The following GALR3 variants were observed in gnomAD, a reference collection of about 807,000 sequenced individuals.
GALR3 encodes galanin receptor 3, also known as galanin receptor type 3.
A neutral mutation model predicts 6.9 loss-of-function variants in GALR3; 5 were observed. That is an observed-to-expected ratio of 0.72 (90% CI 0.38 to 1.52). The LOEUF is 1.52. Among genes scored for constraint, GALR3 ranks in the 40% most tolerant of loss-of-function variants. GALR3 has a pLI of 0.03. For missense variants in GALR3, 570 were observed against 545.6 expected (o/e 1.04, Z -0.44); for synonymous variants, 308 against 263.6 (o/e 1.17, Z -1.63).
intron 1 of GALR3, 71 bp from the exon 2 acceptor site, chr22:37,824,652 G>GGGCGCGGGACGT: frequency 1.0e-6 from 1 of 988,706 alleles, no homozygotes; most frequent in Non-Finnish European, 1.3e-6. Context: ...CGCAGGGCCC[G>GGGCGCGGGACGT]GGCGCGGGAC....
rs1922582584 is a variant in GALR3 at position 37,825,337 on chromosome 22, C to T, written c.974C>T (p.Pro325Leu). The T allele has an allele frequency of 1.6e-6, 2 of 1,282,154 alleles. No homozygotes were observed. Among genetic ancestry groups the T allele is most frequent in the Non-Finnish European group, 2.0e-6 (2 of 1,017,576 alleles). The allele number at this position is 1,282,154 out of a possible 1,614,324, so 79.4% of individuals were successfully genotyped here. A position where few individuals can be genotyped will look rare whatever the true frequency, so the allele number is the denominator to read the frequency against. The part of the protein sequence containing the change: ...RARRALRRVR[P>L]ASSGPPGCPG... Reference sequence around the variant, plus strand: ...CGCCGCGCCTTGCGTCGCGTCCGCCCCGCGTCCTCGGGCCCACCCGGCTGC... The same window carrying T: ...CGCCGCGCCTTGCGTCGCGTCCGCCTCGCGTCCTCGGGCCCACCCGGCTGC... The change falls in exon 2 of 2, where the codon CCC becomes CTC. Residue 325 changes from proline (P) to leucine (L), a missense_variant. Physicochemically the swap from Pro to Leu is moderately conservative, Grantham distance 98. Transcript: ENST00000249041.
At chr22:37,823,802 G>T (rs1433796662) in intron 1 of GALR3, 37 bp downstream of exon 1, 3 of 1,242,240 alleles carry the variant, frequency 2.4e-6, no homozygotes, top group African/African-American at 1.5e-5. Flanking sequence ...GCAGGGCTGT[G>T]GGGGCGGGGG....
At position 37,825,316 on chromosome 22, in the gene GALR3, G is replaced by T; in HGVS notation, c.953G>T (p.Arg318Leu). Reference protein sequence around the residue: ...CGRRRRHRARRALRRVRPASS... With the variant: ...CGRRRRHRARLALRRVRPASS... The stretch of plus-strand genomic sequence containing the variant: ...CGCCGACGCCGCCACCGTGCCCGCC[G>T]CGCCTTGCGTCGCGTCCGCCCCGCG... Residue 318 changes from arginine to leucine, a missense_variant, in exon 2 of 2, where the codon CGC (arginine) becomes CTC (leucine). Coordinates refer to ENST00000249041, the MANE Select transcript of GALR3 (RefSeq NM_003614.2). 8.0e-7 allele frequency: 1 copy of T among 1,253,110 alleles called. No individual in the cohort carries two copies. 77.6% of individuals were successfully genotyped at this position (1,253,110 alleles called of 1,614,324 possible). A position where few individuals can be genotyped will look rare whatever the true frequency, so the allele number is the denominator to read the frequency against.
At position 37,825,472 on chromosome 22, in the gene GALR3, C is replaced by T. The variant is rs1922588582; in HGVS notation, c.*2C>T. ...GAGGCTGCCCGAGGACCGGAATAAA[C>T]CCTGCCGCCTGGACTCCGCCTGTGT... On this transcript the variant is annotated 3_prime_UTR_variant, in exon 2 of 2. Transcript: ENST00000249041. 9.8e-6 allele frequency: 13 copies of T among 1,328,752 alleles called. No homozygotes were observed. Among genetic ancestry groups the T allele is most frequent in the Non-Finnish European group, 1.3e-5 (13 of 1,036,590 alleles). 82.3% of individuals were successfully genotyped at this position (1,328,752 alleles called of 1,614,324 possible).
rs747361827 is a variant in GALR3, at chr22:37,824,786, C to T, written c.423C>T (p.Ala141=). 4 of 1,320,538 alleles carry T rather than the reference C, an allele frequency of 3.0e-6. No individual in the cohort carries two copies. The highest frequency in any genetic ancestry group is 3.4e-5 in the Admixed American group (1 of 29,458). The allele number at this position is 1,320,538 out of a possible 1,614,324, so 81.8% of individuals were successfully genotyped here. Residue 141 remains alanine, a synonymous_variant, in exon 2 of 2, where the codon GCC becomes GCT. Coordinates refer to ENST00000249041, the MANE Select transcript of GALR3 (RefSeq NM_003614.2). ...RALRTPRNAR[A]AVGLVWLLAA... is the part of the protein sequence containing the mutation. ...TGCGCACGCCGCGTAACGCCCGCGC[C>T]GCAGTGGGGCTGGTGTGGCTGCTGG...
chr22:37,825,170 C>G lies in GALR3; in HGVS notation c.807C>G (p.Thr269=). Residue 269 remains threonine (T), a synonymous_variant, in exon 2 of 2, where the codon ACC becomes ACG. Coordinates refer to ENST00000249041, the MANE Select transcript of GALR3 (RefSeq NM_003614.2). ...GCCGCTTCGCCTTCAGCCCGGCCAC[C>G]TACGCCTGCCGCCTGGCCTCACACT... is the stretch of plus-strand genomic sequence containing the variant. ...WYGRFAFSPA[T]YACRLASHCL... is the part of the protein sequence containing the mutation. 1.3e-6 allele frequency: 2 copies of G among 1,492,204 alleles called. No homozygotes were observed. Among genetic ancestry groups the G allele is most frequent in the Non-Finnish European group, 1.8e-6 (2 of 1,117,426 alleles). 92.4% of individuals were successfully genotyped at this position (1,492,204 alleles called of 1,614,324 possible).
Position 37,825,197 on chromosome 22 carries a change from C to T in GALR3, c.834C>T (p.Cys278=), listed in dbSNP as rs775253761. Residue 278 remains cysteine (C), a synonymous_variant, in exon 2 of 2, where the codon TGC becomes TGT. Coordinates refer to ENST00000249041, the MANE Select transcript of GALR3 (RefSeq NM_003614.2). ...ACGCCTGCCGCCTGGCCTCACACTG[C>T]CTGGCCTACGCCAACTCCTGCCTCA... The part of the protein sequence containing the change: ...ATYACRLASH[C]LAYANSCLNP... 3 of 1,487,810 alleles carry T rather than the reference C, an allele frequency of 2.0e-6. No homozygotes were observed. Among genetic ancestry groups the T allele is most frequent in the Non-Finnish European group, 2.7e-6 (3 of 1,114,932 alleles). The allele number at this position is 1,487,810 out of a possible 1,614,324, so 92.2% of individuals were successfully genotyped here. A position where few individuals can be genotyped will look rare whatever the true frequency, so the allele number is the denominator to read the frequency against.
In GALR3 at chr22:37,825,478, C is replaced by CG; in HGVS notation, c.*9dup. On this transcript the variant is annotated 3_prime_UTR_variant, in exon 2 of 2. Coordinates refer to ENST00000249041, the MANE Select transcript of GALR3 (RefSeq NM_003614.2). Reference sequence around the variant, plus strand: ...GCCCGAGGACCGGAATAAACCCTGCCGCCTGGACTCCGCCTGTGTCCGTCT... The same window carrying CG: ...GCCCGAGGACCGGAATAAACCCTGCCGGCCTGGACTCCGCCTGTGTCCGTCT... The CG allele has an allele frequency of 7.6e-7, 1 of 1,315,866 alleles. No homozygotes were observed. Among genetic ancestry groups the CG allele is most frequent in the Non-Finnish European group, 9.7e-7 (1 of 1,030,014 alleles). The allele number at this position is 1,315,866 out of a possible 1,614,324, so 81.5% of individuals were successfully genotyped here.
In GALR3 at chr22:37,823,501, C is replaced by T. The variant is rs1379355836; in HGVS notation, c.95C>T (p.Thr32Ile). Residue 32 changes from threonine to isoleucine, a missense_variant, in exon 1 of 2, where the codon ACA becomes ATA. Physicochemically the swap from Thr to Ile is moderately conservative, Grantham distance 89 (BLOSUM62 -1). Coordinates refer to ENST00000249041, the MANE Select transcript of GALR3 (RefSeq NM_003614.2). ...TTTGCCCTAATCTTCCTGCTGGGCACAGTGGGCAATGGGCTGGTGCTGGCA... is the reference window on the plus strand; with the variant it reads ...TTTGCCCTAATCTTCCTGCTGGGCATAGTGGGCAATGGGCTGGTGCTGGCA... ...VVFALIFLLG[T>I]VGNGLVLAVL... The T allele has an allele frequency of 6.2e-7, 1 of 1,611,810 alleles. No individual in the cohort carries two copies. The highest frequency in any genetic ancestry group is 1.3e-5 in the African/African-American group (1 of 74,766).
intron 1 of GALR3, among the ~76,000 whole-genome samples, chr22:37,824,245 AT>A (rs1922529149): frequency 6.6e-6 from 1 of 150,458 alleles, no homozygotes; most frequent in Non-Finnish European, 1.5e-5. Context: ...AATTTTTTGT[AT>A]TTTTAGTAGA....
chr22:37,824,687 C>T, intron 1 of GALR3, 36 bp from the exon 2 acceptor site: 4 of 1,176,906 alleles, frequency 3.4e-6, no homozygotes, highest in Non-Finnish European at 3.2e-6. Context: ...TGCGGGAGGG[C>T]ACCTGCCCGC....
In GALR3 at chr22:37,824,899, C is replaced by G. The variant is rs768648543; in HGVS notation, c.536C>G (p.Ala179Gly). The part of the protein sequence containing the change: ...LELCVPAWED[A>G]RRRALDVATF... Reference sequence around the variant, plus strand: ...CTCTGCGTGCCCGCCTGGGAGGACGCGCGCCGCCGCGCCCTGGACGTGGCC... The same window carrying G: ...CTCTGCGTGCCCGCCTGGGAGGACGGGCGCCGCCGCGCCCTGGACGTGGCC... Residue 179 changes from alanine (A) to glycine (G), a missense_variant, in exon 2 of 2, where the codon GCG (alanine) becomes GGG (glycine). Ala to Gly is a moderately conservative substitution (Grantham distance 60). Transcript: ENST00000249041. The G allele has an allele frequency of 2.6e-5, 36 of 1,364,358 alleles. No homozygotes were observed. The highest frequency in any genetic ancestry group is 3.2e-5 in the Non-Finnish European group (34 of 1,054,648). 84.5% of individuals were successfully genotyped at this position (1,364,358 alleles called of 1,614,324 possible).
chr22:37,825,356 C>A lies in GALR3; in HGVS notation c.993C>A (p.Pro331=). 7.4e-7 allele frequency: 1 copy of A among 1,345,400 alleles called. No individual in the cohort carries two copies. The highest frequency in any genetic ancestry group is 1.5e-5 in the African/African-American group (1 of 66,294). The allele number at this position is 1,345,400 out of a possible 1,614,324, so 83.3% of individuals were successfully genotyped here. A position where few individuals can be genotyped will look rare whatever the true frequency, so the allele number is the denominator to read the frequency against. Residue 331 remains proline (P), a synonymous_variant, in exon 2 of 2, where the codon CCC becomes CCA. Coordinates refer to ENST00000249041, the MANE Select transcript of GALR3 (RefSeq NM_003614.2). ...RRVRPASSGP[P]GCPGDARPSG... is the part of the protein sequence containing the mutation. ...TCCGCCCCGCGTCCTCGGGCCCACC[C>A]GGCTGCCCCGGAGACGCCCGGCCTA...
In GALR3 at chr22:37,825,008, G is replaced by A. The variant is rs927639572; in HGVS notation, c.645G>A (p.Val215=). 40 of 1,176,944 alleles carry A rather than the reference G, an allele frequency of 3.4e-5. No individual in the cohort carries two copies. Among genetic ancestry groups the A allele is most frequent in the Non-Finnish European group, 1.4e-5 (13 of 953,160 alleles). 72.9% of individuals were successfully genotyped at this position (1,176,944 alleles called of 1,614,324 possible). ...CGCTGCGCTTCCTGTGGGCCGCCGT[G>A]GGTCCCGCGGGCGCGGCGGCGGCCG... is the stretch of plus-strand genomic sequence containing the variant. ...GRTLRFLWAA[V]GPAGAAAAEA... is the part of the protein sequence containing the mutation. Residue 215 remains valine (V), a synonymous_variant, in exon 2 of 2, where the codon GTG becomes GTA. Transcript: ENST00000249041.
rs1283128322 is a variant in GALR3, at chr22:37,825,260, C to T, written c.897C>T (p.Arg299=). The change falls in exon 2 of 2, where the codon CGC becomes CGT. Residue 299 remains arginine (R), a synonymous_variant. Coordinates refer to ENST00000249041, the MANE Select transcript of GALR3 (RefSeq NM_003614.2). ...LVYALASRHF[R]ARFRRLWPCG... is the part of the protein sequence containing the mutation. Reference sequence around the variant, plus strand: ...ACGCGCTCGCCTCGCGCCACTTCCGCGCGCGCTTCCGCCGCCTGTGGCCGT... The same window carrying T: ...ACGCGCTCGCCTCGCGCCACTTCCGTGCGCGCTTCCGCCGCCTGTGGCCGT... The T allele has an allele frequency of 7.1e-7, 1 of 1,410,242 alleles. No individual in the cohort carries two copies. Among genetic ancestry groups the T allele is most frequent in the Non-Finnish European group, 9.3e-7 (1 of 1,073,402 alleles). The allele number at this position is 1,410,242 out of a possible 1,614,324, so 87.4% of individuals were successfully genotyped here. A position where few individuals can be genotyped will look rare whatever the true frequency, so the allele number is the denominator to read the frequency against.
At chr22:37,823,902 G>C (rs1321351678) in intron 1 of GALR3, 137 bp downstream of exon 1, 1 of 619,674 alleles carries the variant, frequency 1.6e-6, no homozygotes, top group Non-Finnish European at 2.8e-6. Context: ...GGAAACAAAA[G>C]CTCCCTGACC....
intron 1 of GALR3, 152 bp from the exon 2 acceptor site, chr22:37,824,571 C>CTAAG: frequency 3.1e-6 from 1 of 321,760 alleles, no homozygotes; most frequent in Non-Finnish European, 5.4e-6. Flanking sequence ...GTGCAAGGGC[C>CTAAG]TAAGCACCTT....
rs750741733 is a variant in GALR3 at position 37,824,976 on chromosome 22, G to T, written c.613G>T (p.Gly205Trp). The change falls in exon 2 of 2, where the codon GGG becomes TGG. Residue 205 changes from glycine (G) to tryptophan (W), a missense_variant. By Grantham distance (184) the Gly-to-Trp change is radical. Transcript: ENST00000249041. ...CGTGGCTGTGGTGAGCCTGGCCTAC[G>T]GGCGCACGCTGCGCTTCCTGTGGGC... Reference protein sequence around the residue: ...LPVAVVSLAYGRTLRFLWAAV... With the variant: ...LPVAVVSLAYWRTLRFLWAAV... The T allele has an allele frequency of 4.8e-6, 6 of 1,240,434 alleles. No individual in the cohort carries two copies. The highest frequency in any genetic ancestry group is 6.1e-6 in the Non-Finnish European group (6 of 986,108). 76.8% of individuals were successfully genotyped at this position (1,240,434 alleles called of 1,614,324 possible).
Position 37,825,053 on chromosome 22 carries a change from G to T in GALR3, c.690G>T (p.Thr230=). Residue 230 remains threonine (T), a synonymous_variant, in exon 2 of 2, where the codon ACG becomes ACT. Coordinates refer to ENST00000249041, the MANE Select transcript of GALR3 (RefSeq NM_003614.2). Reference sequence around the variant, plus strand: ...CGGCCGAGGCGCGGCGGAGGGCGACGGGCCGCGCGGGGCGCGCCATGCTGG... The same window carrying T: ...CGGCCGAGGCGCGGCGGAGGGCGACTGGCCGCGCGGGGCGCGCCATGCTGG... ...AAAAEARRRA[T]GRAGRAMLAV... 8.8e-7 allele frequency: 1 copy of T among 1,134,142 alleles called. No individual in the cohort carries two copies. The highest frequency in any genetic ancestry group is 1.1e-6 in the Non-Finnish European group (1 of 925,218). The allele number at this position is 1,134,142 out of a possible 1,614,324, so 70.3% of individuals were successfully genotyped here. A position where few individuals can be genotyped will look rare whatever the true frequency, so the allele number is the denominator to read the frequency against.
Sources: gnomAD v4.1 joint callset for allele counts (sites outside exome capture counted in the v4.1 genomes callset) on GRCh38, gnomAD v4.1.1 for gene constraint, MANE v1.5 for transcripts, NCBI Gene and HGNC (gene_info 2026-07-23, HGNC 2026-07-21) for gene names.